TYW1B: variants seen among roughly 807,000 people sequenced by gnomAD.
The protein encoded by TYW1B is S-adenosyl-L-methionine-dependent tRNA 4-demethylwyosine synthase TYW1B.
In TYW1B, 73 loss-of-function variants were observed where a neutral mutation model predicts 86.9. That is an observed-to-expected ratio of 0.84 (90% confidence interval 0.70 to 1.02). TYW1B has a LOEUF of 1.02. Ranked by LOEUF, TYW1B falls within the 50% of genes least tolerant of loss-of-function variation. The pLI is 0.00. For missense variants in TYW1B, 637 were observed against 827.4 expected, an observed-to-expected ratio of 0.77 and a Z score of 2.82; for synonymous variants, 248 against 292.8, an observed-to-expected ratio of 0.85 and a Z score of 1.56.
intron 6 of TYW1B, among the ~76,000 whole-genome samples, chr7:72,801,470 A>G (rs1788402709): frequency 6.6e-6 from 1 of 152,090 alleles, no homozygotes; most frequent in African/African-American, 2.4e-5. Flanking sequence ...ACATTGTGAT[A>G]TCCTGCTAAC....
intron 6 of TYW1B, among the ~76,000 whole-genome samples, chr7:72,778,360 T>TA (rs879961715): frequency 6.6e-5 from 10 of 152,132 alleles, no homozygotes; most frequent in African/African-American, 1.2e-4. Flanking sequence ...CAAAAACAAA[T>TA]AAAAAAAGTA....
At chr7:72,730,126 G>A (rs778543862) in intron 8 of TYW1B, among the ~76,000 whole-genome samples, 1 of 152,134 alleles carries the variant, frequency 6.6e-6, no homozygotes. Flanking sequence ...AAGGGTGACT[G>A]TTATACCAGA....
intron 13 of TYW1B, among the ~76,000 whole-genome samples, chr7:72,606,846 A>C (rs536121323): frequency 6.6e-6 from 1 of 152,262 alleles, no homozygotes; most frequent in East Asian, 1.9e-4. Flanking sequence ...TGCCATCCCC[A>C]CAGTGCAGTG....
At chr7:72,637,803 CTTTTT>C (rs1445414685) in intron 11 of TYW1B, among the ~76,000 whole-genome samples, 1 of 149,732 alleles carries the variant, frequency 6.7e-6, no homozygotes. Flanking sequence ...TTCTTCAAAA[CTTTTT>C]TTTTCTCCTT....
chr7:72,788,033 A>T (rs554630625), intron 6 of TYW1B, among the ~76,000 whole-genome samples: 1 of 151,918 alleles, frequency 6.6e-6, no homozygotes, highest in East Asian at 2.0e-4. Context: ...GCTGGAGTGC[A>T]GTGGCACGAT....
intron 8 of TYW1B, among the ~76,000 whole-genome samples, chr7:72,729,720 C>A (rs1419853398): frequency 6.6e-6 from 1 of 152,098 alleles, no homozygotes; most frequent in Non-Finnish European, 1.5e-5. Flanking sequence ...ATCTCACCCT[C>A]CCGACAGGCA....
intron 2 of TYW1B, among the ~76,000 whole-genome samples, chr7:72,818,518 G>A (rs1222897383): frequency 1.4e-5 from 2 of 139,284 alleles, no homozygotes; most frequent in African/African-American, 5.6e-5. Context: ...GGCAGAGGCT[G>A]CAGTGAGCCG....
chr7:72,746,680 G>C (rs1787400844), intron 7 of TYW1B, among the ~76,000 whole-genome samples: 1 of 152,146 alleles, frequency 6.6e-6, no homozygotes, highest in Non-Finnish European at 1.5e-5. Flanking sequence ...AACAGGAAGA[G>C]AGACCAGAGA....
At chr7:72,811,188 G>A (rs1200485992) in intron 3 of TYW1B, among the ~76,000 whole-genome samples, 16 of 150,128 alleles carry the variant, frequency 1.1e-4, no homozygotes, top group East Asian at 2.0e-4. Flanking sequence ...AGAGAATGGC[G>A]TGAACCCAGG....
intron 6 of TYW1B, among the ~76,000 whole-genome samples, chr7:72,794,163 A>C (rs1361680850): frequency 1.1e-4 from 16 of 152,168 alleles, no homozygotes; most frequent in Non-Finnish European, 2.4e-4. Context: ...GGGAGATCTC[A>C]GATCTTGACC....
intron 13 of TYW1B, among the ~76,000 whole-genome samples, chr7:72,611,472 C>T (rs530103563): frequency 1.3e-5 from 2 of 152,078 alleles, no homozygotes; most frequent in South Asian, 2.1e-4. Context: ...TCATGAGATC[C>T]GATGGTTTTA....
intron 13 of TYW1B, among the ~76,000 whole-genome samples, chr7:72,610,880 C>T (rs1205928626): frequency 1.3e-5 from 2 of 152,194 alleles, no homozygotes; most frequent in Admixed American, 6.5e-5. Flanking sequence ...TTCACTGTGG[C>T]ACTCCCCTAC....
At chr7:72,587,763 G>A (rs766605596) in intron 13 of TYW1B, among the ~76,000 whole-genome samples, 133 of 152,082 alleles carry the variant, frequency 8.7e-4, no homozygotes, top group Non-Finnish European at 1.6e-3. Context: ...GCAAGAAGGA[G>A]GTTTGTTTTA....
At chr7:72,813,164 A>ACTT (rs1302580217) in intron 3 of TYW1B, among the ~76,000 whole-genome samples, 2 of 141,178 alleles carry the variant, frequency 1.4e-5, no homozygotes, top group Admixed American at 7.1e-5. Flanking sequence ...AGCTCTACAT[A>ACTT]CTTCTTCTTT....
At chr7:72,616,343 AT>A (rs1224663351) in intron 13 of TYW1B, among the ~76,000 whole-genome samples, 2 of 152,192 alleles carry the variant, frequency 1.3e-5, no homozygotes, top group Admixed American at 6.6e-5. Flanking sequence ...ACTATTTACT[AT>A]TTTAGCTTTT....
chr7:72,827,746 G>A (rs1472183473), intron 1 of TYW1B, among the ~76,000 whole-genome samples: 2 of 151,972 alleles, frequency 1.3e-5, no homozygotes, highest in Admixed American at 6.6e-5. Context: ...GAGAGATATG[G>A]AAGGACCTGG....
intron 13 of TYW1B, among the ~76,000 whole-genome samples, chr7:72,592,315 T>A (rs1197131357): frequency 2.6e-5 from 4 of 152,160 alleles, no homozygotes; most frequent in African/African-American, 9.7e-5. Flanking sequence ...GAAGTTAAGC[T>A]GGTATAAATT....
chr7:72,759,934 C>T (rs1787659186), intron 7 of TYW1B, among the ~76,000 whole-genome samples: 1 of 152,048 alleles, frequency 6.6e-6, no homozygotes, highest in African/African-American at 2.4e-5. Flanking sequence ...GTTTATAATG[C>T]TAGACACTCA....
At chr7:72,707,035 C>T (rs1462574320) in intron 10 of TYW1B, among the ~76,000 whole-genome samples, 5 of 152,190 alleles carry the variant, frequency 3.3e-5, no homozygotes, top group Non-Finnish European at 7.3e-5. Context: ...CAAGGTTATA[C>T]TCCTTGACAA....
Sources: gnomAD v4.1 joint callset for allele counts (sites outside exome capture counted in the v4.1 genomes callset) on GRCh38, gnomAD v4.1.1 for gene constraint, MANE v1.5 for transcripts, NCBI Gene and HGNC (gene_info 2026-07-23, HGNC 2026-07-21) for gene names.